The following KIAA1958 variants were observed in gnomAD, a reference collection of about 807,000 sequenced individuals.
KIAA1958 encodes KIAA1958.
In KIAA1958, 14 loss-of-function variants were observed where a neutral mutation model predicts 47.2. The ratio of observed to expected loss-of-function variants is 0.30; its 90% CI spans 0.20 to 0.46. The LOEUF (loss-of-function observed/expected upper bound fraction) is 0.46. KIAA1958 is among the 20% of genes least tolerant of loss of function. KIAA1958 has a pLI of 1.00. For missense variants in KIAA1958, 803 were observed against 909.2 expected (o/e 0.88, Z 1.50); for synonymous variants, 354 against 353.3 (o/e 1.00, Z -0.02).
intron 2 of KIAA1958, among the ~76,000 whole-genome samples, chr9:112,626,234 C>T (rs1373471557): frequency 6.6e-6 from 1 of 152,148 alleles, no homozygotes; most frequent in African/African-American, 2.4e-5. Flanking sequence ...TTGTATTTCT[C>T]ATCTTGCTTA....
intron 1 of KIAA1958, among the ~76,000 whole-genome samples, chr9:112,509,621 G>T (rs887729450): frequency 2.0e-4 from 30 of 152,180 alleles, no homozygotes; most frequent in Non-Finnish European, 3.2e-4. Flanking sequence ...AAAGGATTAT[G>T]GATGTTGAAA....
At chr9:112,548,626 G>A (rs891713806) in intron 1 of KIAA1958, among the ~76,000 whole-genome samples, 3 of 152,134 alleles carry the variant, frequency 2.0e-5, no homozygotes, top group Admixed American at 6.5e-5. Context: ...TAAGCTCTGC[G>A]AGGACAAGCA....
intron 3 of KIAA1958, among the ~76,000 whole-genome samples, chr9:112,656,802 A>G (rs1837159802): frequency 6.6e-6 from 1 of 152,166 alleles, no homozygotes; most frequent in South Asian, 2.1e-4. Flanking sequence ...AACCCATTTT[A>G]GTAATTATAT....
chr9:112,569,050 A>G (rs1235869509), intron 1 of KIAA1958, among the ~76,000 whole-genome samples: 1 of 150,172 alleles, frequency 6.7e-6, no homozygotes, highest in Non-Finnish European at 1.5e-5. Flanking sequence ...GACTTTCATG[A>G]TCATTAACTG....
chr9:112,562,598 C>T (rs745766491), intron 1 of KIAA1958, among the ~76,000 whole-genome samples: 1 of 152,154 alleles, frequency 6.6e-6, no homozygotes, highest in Admixed American at 6.5e-5. Flanking sequence ...CTTCTGCCAC[C>T]GAGGCCCTTT....
intron 1 of KIAA1958, among the ~76,000 whole-genome samples, chr9:112,541,875 C>G (rs763206747): frequency 3.9e-5 from 6 of 152,116 alleles, no homozygotes; most frequent in Non-Finnish European, 7.4e-5. Context: ...ACTGGGACAT[C>G]ACTGGCATGT....
rs556194425 is a variant in KIAA1958, at chr9:112,528,276, A to G, written c.-25+41158A>G. Among the ~76,000 whole-genome samples the G allele has an allele frequency of 1.2e-4, 18 of 152,230 alleles. No homozygotes were observed. The South Asian group carries it at 3.5e-3, about 30-fold the overall frequency. ...CAGTTGTCACTATGCTTTGCCCTGC[A>G]CTTAGTGTCCCACGTGACAGAATGT... On this transcript the variant is annotated intron_variant, in intron 1 of 3. Transcript: ENST00000337530.
chr9:112,517,372 A>AT (rs1220972628), intron 1 of KIAA1958, among the ~76,000 whole-genome samples: 1 of 152,062 alleles, frequency 6.6e-6, no homozygotes, highest in African/African-American at 2.4e-5. Context: ...TTTTTGAAAA[A>AT]TTTTTTTTCA....
intron 1 of KIAA1958, 35 bp from the exon 2 acceptor site, chr9:112,574,022 A>G: frequency 1.8e-6 from 2 of 1,107,366 alleles, no homozygotes; most frequent in Non-Finnish European, 2.6e-6. Flanking sequence ...TATCTTGGGT[A>G]ATAATGGCTT....
At chr9:112,568,972 CAT>C (rs1221213096) in intron 1 of KIAA1958, among the ~76,000 whole-genome samples, 21 of 75,328 alleles carry the variant, frequency 2.8e-4, no homozygotes, top group African/African-American at 8.8e-4. Context: ...AAAAAATTGA[CAT>C]ATGACAATGT....
In KIAA1958 at chr9:112,574,773, A is replaced by G. The variant is rs575537038; in HGVS notation, c.693A>G (p.Thr231=). The change falls in exon 2 of 4, where the codon ACA becomes ACG. Residue 231 remains threonine, a synonymous_variant. Coordinates refer to ENST00000337530, the MANE Select transcript of KIAA1958 (RefSeq NM_133465.4). ...GGVDGPALSL[T]QMAKPKPQTH... Reference sequence around the variant, plus strand: ...TAGATGGACCAGCCCTGTCCTTGACACAGATGGCAAAACCCAAGCCTCAGA... The same window carrying G: ...TAGATGGACCAGCCCTGTCCTTGACGCAGATGGCAAAACCCAAGCCTCAGA... The G allele has an allele frequency of 5.6e-6, 9 of 1,614,086 alleles. No individual in the cohort carries two copies. The Admixed American group carries it at 1.0e-4, about 18-fold the overall frequency.
chr9:112,659,019 C>CAAAAAAAA (rs560013892), intron 3 of KIAA1958, among the ~76,000 whole-genome samples: 23 of 57,714 alleles, frequency 4.0e-4, no homozygotes, highest in Non-Finnish European at 7.1e-4. Context: ...GACTCTGACT[C>CAAAAAAAA]AAAAAAAAAA....
intron 2 of KIAA1958, among the ~76,000 whole-genome samples, chr9:112,593,991 A>C (rs1835972916): frequency 6.6e-6 from 1 of 152,046 alleles, no homozygotes; most frequent in African/African-American, 2.4e-5. Context: ...CAGCCTCCTA[A>C]GCAACTAGGA....
chr9:112,540,472 C>G (rs1160494769), intron 1 of KIAA1958, among the ~76,000 whole-genome samples: 1 of 152,078 alleles, frequency 6.6e-6, no homozygotes, highest in Non-Finnish European at 1.5e-5. Flanking sequence ...AGTTATTTTA[C>G]TAGTCTGTCA....
chr9:112,526,184 T>C (rs954128286), intron 1 of KIAA1958, among the ~76,000 whole-genome samples: 12 of 151,870 alleles, frequency 7.9e-5, no homozygotes, highest in Non-Finnish European at 1.5e-4. Flanking sequence ...ATTCCAATCA[T>C]TGACTGTCAG....
At chr9:112,585,165 A>G (rs1835801800) in intron 2 of KIAA1958, among the ~76,000 whole-genome samples, 1 of 152,216 alleles carries the variant, frequency 6.6e-6, no homozygotes, top group Non-Finnish European at 1.5e-5. Context: ...TTTAGGATCA[A>G]CTTTGTGACA....
chr9:112,669,184 C>G lies in KIAA1958; in HGVS notation c.*9115C>G, dbSNP rs999784818. ...CATGAGTGGGAAAGTGGGTGTCACT[C>G]CTATTTTCTGTCCTAGAGTGTCAGC... On this transcript the variant is annotated 3_prime_UTR_variant, in exon 4 of 4. Transcript: ENST00000337530. 1.3e-5 allele frequency: 2 copies of G among 152,216 alleles called. No individual in the cohort carries two copies. The highest frequency in any genetic ancestry group is 6.5e-5 in the Admixed American group (1 of 15,274). 9.4% of individuals were successfully genotyped at this position (152,216 alleles called of 1,614,324 possible).
At chr9:112,619,010 G>A in intron 2 of KIAA1958, 2 of 1,277,706 alleles carry the variant, frequency 1.6e-6, no homozygotes, top group Non-Finnish European at 2.0e-6. Flanking sequence ...TGCCCTCAGT[G>A]TTAATTCACT....
At chr9:112,633,783 T>C (rs2131232177) in intron 2 of KIAA1958, among the ~76,000 whole-genome samples, 1 of 152,342 alleles carries the variant, frequency 6.6e-6, no homozygotes, top group East Asian at 1.9e-4. Context: ...TGCTTTTGTA[T>C]ACAGTTCACT....
Sources: gnomAD v4.1 joint callset for allele counts (sites outside exome capture counted in the v4.1 genomes callset) on GRCh38, gnomAD v4.1.1 for gene constraint, MANE v1.5 for transcripts, NCBI Gene and HGNC (gene_info 2026-07-23, HGNC 2026-07-21) for gene names.